BICD1: variants seen among roughly 807,000 people sequenced by gnomAD.
BICD1 encodes the protein protein bicaudal D homolog 1.
A neutral mutation model predicts 92.5 loss-of-function variants in BICD1; 35 were observed. The ratio of observed to expected loss-of-function variants is 0.38; its 90% confidence interval spans 0.29 to 0.50. The LOEUF (loss-of-function observed/expected upper bound fraction) is 0.50. Among genes scored for constraint, BICD1 ranks in the 20% least tolerant of loss-of-function variants. The pLI is 0.93. For synonymous variants in BICD1, 429 were observed against 465.1 expected (o/e 0.92, Z 1.00); for missense variants, 950 against 1,189.8 (o/e 0.80, Z 2.97).
At chr12:32,251,136 C>G (rs1946511498) in intron 2 of BICD1, among the ~76,000 whole-genome samples, 1 of 152,040 alleles carries the variant, frequency 6.6e-6, no homozygotes, top group African/African-American at 2.4e-5. Flanking sequence ...GAAAATTATC[C>G]TTAAAGTTTG....
chr12:32,129,381 C>G (rs1310387561), intron 1 of BICD1, among the ~76,000 whole-genome samples: 2 of 151,434 alleles, frequency 1.3e-5, no homozygotes, highest in Non-Finnish European at 2.9e-5. Context: ...AAAAATTAGC[C>G]AGGTATGGTG....
intron 1 of BICD1, among the ~76,000 whole-genome samples, chr12:32,181,302 C>T (rs1420042757): frequency 6.6e-6 from 1 of 151,676 alleles, no homozygotes; most frequent in East Asian, 1.9e-4. Context: ...CGCCTGTAAT[C>T]CTAGCCACCG....
At chr12:32,176,948 G>T (rs1158584115) in intron 1 of BICD1, among the ~76,000 whole-genome samples, 1 of 150,866 alleles carries the variant, frequency 6.6e-6, no homozygotes, top group African/African-American at 2.4e-5. Context: ...GTAATTGCTG[G>T]GTCATAGGGT....
chr12:32,230,419 TAAATAAATAAATAAATAAATAAATAAGC>T (rs1331255032), intron 2 of BICD1, among the ~76,000 whole-genome samples: 106 of 77,300 alleles, frequency 1.4e-3, no homozygotes, highest in South Asian at 0.012. Context: ...AATAAATAAA[TAAATAAATAAATAAATAAATAAATAAGC>T]AAGCAAATAA....
At chr12:32,170,182 T>C (rs1379249488) in intron 1 of BICD1, among the ~76,000 whole-genome samples, 2 of 152,210 alleles carry the variant, frequency 1.3e-5, no homozygotes, top group African/African-American at 4.8e-5. Flanking sequence ...CTGAGCTCAG[T>C]TTCATGCTCT....
At chr12:32,177,086 G>A (rs534697690) in intron 1 of BICD1, among the ~76,000 whole-genome samples, 10 of 151,772 alleles carry the variant, frequency 6.6e-5, no homozygotes, top group Non-Finnish European at 1.3e-4. Flanking sequence ...AGGCTGAGGC[G>A]GGCGCATGCC....
At position 32,311,454 on chromosome 12, in the gene BICD1, G is replaced by A. The variant is rs146180075; in HGVS notation, c.1005+5332G>A. On this transcript the variant is annotated intron_variant, in intron 4 of 9. Transcript: ENST00000652176. ...GCGGAGGTTGCAGTGAGCCGAGATC[G>A]CGCCACTGCACTCCAGCCTGCGACA... 8.8e-3 allele frequency among the ~76,000 whole-genome samples: 1,342 copies of A among 152,186 alleles called. 20 individuals carry two copies. The highest frequency in any genetic ancestry group is 0.031 in the African/African-American group (1,300 of 41,486).
At chr12:32,211,234 C>G (rs12809209) in intron 1 of BICD1, among the ~76,000 whole-genome samples, 1 of 152,096 alleles carries the variant, frequency 6.6e-6, no homozygotes, top group Non-Finnish European at 1.5e-5. Flanking sequence ...GGTTAGTGTC[C>G]TTGGATAACC....
chr12:32,333,482 T>G (rs1322804386), intron 5 of BICD1, among the ~76,000 whole-genome samples: 2 of 151,942 alleles, frequency 1.3e-5, no homozygotes, highest in East Asian at 3.9e-4. Context: ...ATATGAAGGT[T>G]TGAAGCTGCC....
chr12:32,185,917 A>G (rs1265748434), intron 1 of BICD1, among the ~76,000 whole-genome samples: 1 of 136,458 alleles, frequency 7.3e-6, no homozygotes, highest in Non-Finnish European at 1.6e-5. Flanking sequence ...ACCCCTTTGC[A>G]TCTGTGTGGG....
chr12:32,269,467 A>G (rs986438434), intron 2 of BICD1, among the ~76,000 whole-genome samples: 3 of 152,244 alleles, frequency 2.0e-5, no homozygotes, highest in Non-Finnish European at 4.4e-5. Flanking sequence ...GTAATTCTCC[A>G]TATGCAAAAA....
intron 8 of BICD1, among the ~76,000 whole-genome samples, chr12:32,350,733 C>T (rs1007556445): frequency 3.3e-5 from 5 of 152,060 alleles, no homozygotes; most frequent in African/African-American, 1.2e-4. Flanking sequence ...TGGCAGTTTC[C>T]CCAGTGTATT....
In BICD1 at chr12:32,256,270, G is replaced by A. The variant is rs183918737; in HGVS notation, c.427-37724G>A. On this transcript the variant is annotated intron_variant, in intron 2 of 9. Transcript: ENST00000652176. Reference sequence around the variant, plus strand: ...TTGCTATGTTGCCCAGGCTGATCTCGAACTTCTGGCTTCAAGCAGTCCTCC... The same window carrying A: ...TTGCTATGTTGCCCAGGCTGATCTCAAACTTCTGGCTTCAAGCAGTCCTCC... 5.3e-5 allele frequency among the ~76,000 whole-genome samples: 8 copies of A among 152,138 alleles called. No homozygotes were observed. In the East Asian group the frequency reaches 7.7e-4, roughly 15 times the overall value.
At chr12:32,293,432 C>T (rs1947774855) in intron 2 of BICD1, among the ~76,000 whole-genome samples, 2 of 151,984 alleles carry the variant, frequency 1.3e-5, no homozygotes, top group Admixed American at 1.3e-4. Context: ...ACTCTCCTGC[C>T]TCAGCCTCCC....
intron 1 of BICD1, among the ~76,000 whole-genome samples, chr12:32,140,864 C>A (rs1942899836): frequency 6.6e-6 from 1 of 152,002 alleles, no homozygotes; most frequent in Admixed American, 6.6e-5. Flanking sequence ...ACTGCATCAA[C>A]AACATGTTAT....
intron 8 of BICD1, among the ~76,000 whole-genome samples, chr12:32,344,391 TTAG>T (rs1938491152): frequency 8.1e-6 from 1 of 122,926 alleles, no homozygotes. Context: ...GAGGGCCAGG[TTAG>T]TGAGAGCAGA....
chr12:32,305,617 G>A, intron 3 of BICD1, 80 bp from the exon 4 acceptor site: 1 of 1,266,332 alleles, frequency 7.9e-7, no homozygotes, highest in East Asian at 2.4e-5. Flanking sequence ...TAAGTGATTA[G>A]GTCCACTAGA....
intron 8 of BICD1, among the ~76,000 whole-genome samples, chr12:32,356,916 T>G (rs953171408): frequency 6.6e-6 from 1 of 152,164 alleles, no homozygotes; most frequent in African/African-American, 2.4e-5. Flanking sequence ...GTCAGTTTAG[T>G]TTCCCCCAGT....
At position 32,121,407 on chromosome 12, in the gene BICD1, A is replaced by G. The variant is rs571503697; in HGVS notation, c.213+13863A>G. 4.1e-3 allele frequency among the ~76,000 whole-genome samples: 622 copies of G among 151,802 alleles called. 2 individuals are homozygous for G. Among genetic ancestry groups the G allele is most frequent in the Middle Eastern group, 6.8e-3 (2 of 294 alleles). ...CAGGAGTTCAAGACCAGCCTGGCCA[A>G]CATGGTGAAACCCTCTCTCTACTAA... On this transcript the variant is annotated intron_variant, in intron 1 of 9. Transcript: ENST00000652176.
Sources: gnomAD v4.1 joint callset for allele counts (sites outside exome capture counted in the v4.1 genomes callset) on GRCh38, gnomAD v4.1.1 for gene constraint, MANE v1.5 for transcripts, NCBI Gene and HGNC (gene_info 2026-07-23, HGNC 2026-07-21) for gene names.